Variants in CCDC112 observed in about 807,000 individuals in gnomAD.
The protein encoded by CCDC112 is coiled-coil domain containing 112.
CCDC112 carries 40 observed loss-of-function variants against 66.3 expected under a neutral mutation model. The ratio of observed to expected loss-of-function variants is 0.60; its 90% CI spans 0.47 to 0.79. The LOEUF (loss-of-function observed/expected upper bound fraction) is 0.79, where lower values mean the gene tolerates loss of function less well. CCDC112 is among the 30% of genes least tolerant of loss of function. CCDC112 has a pLI of 0.00. For missense variants in CCDC112, 659 were observed against 603.8 expected (o/e 1.09, Z -0.96); for synonymous variants, 214 against 197.2 (o/e 1.09, Z -0.71).
In CCDC112 at chr5:115,268,924, A is replaced by T. The variant is rs763880798; in HGVS notation, c.1505T>A (p.Ile502Lys). 6.2e-7 allele frequency: 1 copy of T among 1,606,952 alleles called. No homozygotes were observed. The highest frequency in any genetic ancestry group is 1.3e-5 in the African/African-American group (1 of 74,468). ...TKGWEERTKK[I>K]GPTGSGPLLH... ...AAGTGGCCCAGAGCCTGTTGGTCCT[A>T]TCTTTTTGGTTCGTTCTTCCCAACC... Residue 502 changes from isoleucine to lysine, a missense_variant, in exon 9 of 10, where the codon ATA becomes AAA. Ile to Lys is a moderately radical substitution (Grantham distance 102). Coordinates refer to ENST00000379611, the MANE Select transcript of CCDC112 (RefSeq NM_001040440.3).
At chr5:115,285,116 GAAATGTT>G (rs1400205969) in intron 1 of CCDC112, among the ~76,000 whole-genome samples, 1 of 152,132 alleles carries the variant, frequency 6.6e-6, no homozygotes, top group African/African-American at 2.4e-5. Context: ...AACTGAGTAA[GAAATGTT>G]AAATATCCAG....
chr5:115,268,972 G>C lies in CCDC112; in HGVS notation c.1457C>G (p.Ser486Cys). ...KVENNVSRDPSRLYKPTKGWE... is the reference protein window; with the variant it reads ...KVENNVSRDPCRLYKPTKGWE... ...ACCTTTGGTGGGTTTGTAAAGCCTA[G>C]AGGGATCTCTACTAACATTGTTTTC... The change falls in exon 9 of 10, where the codon TCT (serine) becomes TGT (cysteine). Residue 486 changes from serine (S) to cysteine (C), a missense_variant. By Grantham distance (112) the Ser-to-Cys change is moderately radical. Transcript: ENST00000379611. 1.2e-6 allele frequency: 2 copies of C among 1,600,348 alleles called. No homozygotes were observed.
chr5:115,291,846 T>A (rs1225724642), intron 1 of CCDC112, among the ~76,000 whole-genome samples: 2 of 152,192 alleles, frequency 1.3e-5, no homozygotes, highest in Non-Finnish European at 2.9e-5. Flanking sequence ...GTCCATGGTT[T>A]CTGATGTGAA....
chr5:115,292,507 G>A (rs532585253), intron 1 of CCDC112, among the ~76,000 whole-genome samples: 73 of 152,278 alleles, frequency 4.8e-4, no homozygotes, highest in African/African-American at 1.6e-3. Context: ...CTCAGAGACA[G>A]TTCCTTTTTA....
Position 115,296,590 on chromosome 5 carries a change from G to A in CCDC112, c.-47C>T. The A allele has an allele frequency of 7.0e-7, 1 of 1,421,730 alleles. No individual in the cohort carries two copies. The highest frequency in any genetic ancestry group is 1.5e-5 in the South Asian group (1 of 65,210). 88.1% of individuals were successfully genotyped at this position (1,421,730 alleles called of 1,614,324 possible). Reference sequence around the variant, plus strand: ...GGCCGCGGCGGCCACCGGTGCCTGGGGATTCGTGGCAGGCGCACCCTGGCC... The same window carrying A: ...GGCCGCGGCGGCCACCGGTGCCTGGAGATTCGTGGCAGGCGCACCCTGGCC... On this transcript the variant is annotated 5_prime_UTR_variant, in exon 1 of 10. Coordinates refer to ENST00000379611, the MANE Select transcript of CCDC112 (RefSeq NM_001040440.3).
At chr5:115,282,088 T>C (rs1161288307) in intron 2 of CCDC112, among the ~76,000 whole-genome samples, 2 of 152,176 alleles carry the variant, frequency 1.3e-5, no homozygotes, top group African/African-American at 4.8e-5. Flanking sequence ...AAAAAAAGAT[T>C]GAATATAACC....
chr5:115,287,159 G>T (rs556870478), intron 1 of CCDC112, among the ~76,000 whole-genome samples: 1 of 152,248 alleles, frequency 6.6e-6, no homozygotes, highest in African/African-American at 2.4e-5. Flanking sequence ...ATGTATAGGG[G>T]TTTCAATTTC....
Position 115,296,449 on chromosome 5 carries a change from C to T in CCDC112, c.95G>A (p.Gly32Glu). 1 of 1,567,318 alleles carries T rather than the reference C, an allele frequency of 6.4e-7. No individual in the cohort carries two copies. Among genetic ancestry groups the T allele is most frequent in the Non-Finnish European group, 8.6e-7 (1 of 1,164,352 alleles). ...GAGAATGTGV[G>E]ATPAPQQSDG... Reference sequence around the variant, plus strand: ...TACCTGTTGAGGCGCTGGCGTCGCTCCCACGCCGGTCCCGGTGGCCGCGCC... The same window carrying T: ...TACCTGTTGAGGCGCTGGCGTCGCTTCCACGCCGGTCCCGGTGGCCGCGCC... Residue 32 changes from glycine (G) to glutamate (E), a missense_variant, in exon 1 of 10, where the codon GGA becomes GAA. By Grantham distance (98) the Gly-to-Glu change is moderately conservative. Coordinates refer to ENST00000379611, the MANE Select transcript of CCDC112 (RefSeq NM_001040440.3).
chr5:115,286,140 C>T (rs1461048529), intron 1 of CCDC112, among the ~76,000 whole-genome samples: 2 of 152,094 alleles, frequency 1.3e-5, no homozygotes, highest in African/African-American at 2.4e-5. Flanking sequence ...TCATGACTAC[C>T]CAGTTTCAGA....
At chr5:115,284,555 A>C in intron 2 of CCDC112, among the ~76,000 whole-genome samples, 1 of 152,178 alleles carries the variant, frequency 6.6e-6, no homozygotes, top group African/African-American at 2.4e-5. Flanking sequence ...AAATACACAG[A>C]TTCAAAATTG....
intron 1 of CCDC112, chr5:115,295,887 T>C: frequency 2.0e-6 from 2 of 985,552 alleles, no homozygotes; most frequent in Non-Finnish European, 2.4e-6. Context: ...CTCGCTGAGC[T>C]GATAACATCT....
chr5:115,279,941 G>C (rs1023912196), intron 2 of CCDC112, among the ~76,000 whole-genome samples, 173 bp from the exon 3 acceptor site: 3 of 152,254 alleles, frequency 2.0e-5, no homozygotes, highest in African/African-American at 7.2e-5. Context: ...CAAAATAATA[G>C]CTAGAAGAGT....
chr5:115,291,780 A>C (rs901979072), intron 1 of CCDC112, among the ~76,000 whole-genome samples: 1 of 152,190 alleles, frequency 6.6e-6, no homozygotes, highest in African/African-American at 2.4e-5. Context: ...TTGCTGTACA[A>C]AGAACAACTG....
At position 115,282,968 on chromosome 5, in the gene CCDC112, C is replaced by G. The variant is rs1166339615; in HGVS notation, c.239+1819G>C. ...AATGCCCTAAAACAGATGAAGAAGCCTTCTCAGAACTGTAAAACACACTGG... is the reference window on the plus strand; with the variant it reads ...AATGCCCTAAAACAGATGAAGAAGCGTTCTCAGAACTGTAAAACACACTGG... On this transcript the variant is annotated intron_variant, in intron 2 of 9. Transcript: ENST00000379611. Among the ~76,000 whole-genome samples, 5 of 151,964 alleles carry G rather than the reference C, an allele frequency of 3.3e-5. No individual in the cohort carries two copies. The East Asian group carries it at 9.6e-4, about 29-fold the overall frequency.
intron 1 of CCDC112, among the ~76,000 whole-genome samples, chr5:115,290,855 T>C (rs1379036046): frequency 1.3e-5 from 2 of 152,140 alleles, no homozygotes; most frequent in East Asian, 3.8e-4. Flanking sequence ...GCTGTACTTG[T>C]TTATTAGTTT....
chr5:115,285,589 G>A (rs896117752), intron 1 of CCDC112, among the ~76,000 whole-genome samples: 29 of 152,086 alleles, frequency 1.9e-4, no homozygotes, highest in African/African-American at 6.0e-4. Context: ...GATTAGTAAC[G>A]GTGTGGATCT....
chr5:115,290,495 T>G (rs1472649417), intron 1 of CCDC112, among the ~76,000 whole-genome samples: 1 of 152,230 alleles, frequency 6.6e-6, no homozygotes, highest in Non-Finnish European at 1.5e-5. Context: ...TAAGATCAGC[T>G]TGTACATTTC....
chr5:115,271,856 C>T (rs992463301), intron 6 of CCDC112, among the ~76,000 whole-genome samples: 1 of 151,312 alleles, frequency 6.6e-6, no homozygotes, highest in East Asian at 1.9e-4. Flanking sequence ...TGGCCTTCCT[C>T]TTTCTCTCTT....
chr5:115,273,709 G>T (rs541812449), intron 6 of CCDC112, among the ~76,000 whole-genome samples: 1 of 152,268 alleles, frequency 6.6e-6, no homozygotes, highest in South Asian at 2.1e-4. Flanking sequence ...TAGAGGACTT[G>T]GTAAAGCACA....
Sources: gnomAD v4.1 joint callset for allele counts (sites outside exome capture counted in the v4.1 genomes callset) on GRCh38, gnomAD v4.1.1 for gene constraint, MANE v1.5 for transcripts, NCBI Gene and HGNC (gene_info 2026-07-23, HGNC 2026-07-21) for gene names.